The following ABCD2 variants were observed in gnomAD, a reference collection of about 807,000 sequenced individuals.
ABCD2 encodes the protein ATP-binding cassette sub-family D member 2.
In ABCD2, 36 loss-of-function variants were observed where a neutral mutation model predicts 70.9. The observed-to-expected ratio is 0.51, with a 90% CI of 0.39 to 0.67. The LOEUF (loss-of-function observed/expected upper bound fraction) is 0.67. ABCD2 is among the 30% of genes least tolerant of loss of function. The pLI is 0.00. For missense variants in ABCD2, 729 were observed against 890.2 expected, an observed-to-expected ratio of 0.82 and a Z score of 2.30; for synonymous variants, 304 against 306.9, an observed-to-expected ratio of 0.99 and a Z score of 0.10.
chr12:39,545,581 G>A (rs2120485750), downstream of ABCD2, among the ~76,000 whole-genome samples: 1 of 152,266 alleles, frequency 6.6e-6, no homozygotes, highest in East Asian at 1.9e-4. Context: ...CGATACCTAA[G>A]GCTGGTGGTG....
At chr12:39,571,304 A>G (rs1448192959) in intron 9 of ABCD2, among the ~76,000 whole-genome samples, 1 of 152,194 alleles carries the variant, frequency 6.6e-6, no homozygotes, top group African/African-American at 2.4e-5. Flanking sequence ...TACAGCCAAC[A>G]TATGGAATCA....
chr12:39,546,761 A>T (rs555761134), downstream of ABCD2, among the ~76,000 whole-genome samples: 6 of 152,238 alleles, frequency 3.9e-5, no homozygotes, highest in East Asian at 5.8e-4. Flanking sequence ...CTGAAAAAAA[A>T]TTTTAAATGT....
intron 5 of ABCD2, among the ~76,000 whole-genome samples, chr12:39,602,515 T>C (rs1941913803): frequency 6.6e-6 from 1 of 152,136 alleles, no homozygotes. Context: ...TCTAGAAACT[T>C]ATTTTTCAAT....
intron 8 of ABCD2, among the ~76,000 whole-genome samples, chr12:39,574,992 A>C (rs1941496554): frequency 6.6e-6 from 1 of 152,164 alleles, no homozygotes; most frequent in Non-Finnish European, 1.5e-5. Context: ...ACATCAACAG[A>C]AGTAGTGTCA....
rs181960558 is a variant in ABCD2, at chr12:39,582,977, A to G, written c.1792+3175T>C. ...CGGGCTCAGGTGATTCTCCCACCTC[A>G]GCCTCCCAAATAGCTGAGACTACAG... On this transcript the variant is annotated intron_variant, in intron 7 of 9. Coordinates refer to ENST00000308666, the MANE Select transcript of ABCD2 (RefSeq NM_005164.4). Among the ~76,000 whole-genome samples, 16 of 151,776 alleles carry G rather than the reference A, an allele frequency of 1.1e-4. No individual in the cohort carries two copies. The East Asian group carries it at 3.1e-3, about 29-fold the overall frequency.
chr12:39,532,720 T>A, the ABCD2 span, among the ~76,000 whole-genome samples: 2 of 152,302 alleles, frequency 1.3e-5, no homozygotes, highest in African/African-American at 2.4e-5. Flanking sequence ...CACCACCTTA[T>A]AAAGTAGTAG....
Position 39,550,379 on chromosome 12 carries a change from A to G in ABCD2, c.*3533T>C, listed in dbSNP as rs1029375232. The G allele has an allele frequency of 1.3e-5, 2 of 151,758 alleles. No individual in the cohort carries two copies. Among genetic ancestry groups the G allele is most frequent in the Non-Finnish European group, 3.0e-5 (2 of 67,716 alleles). The allele number at this position is 151,758 out of a possible 1,614,324, so 9.4% of individuals were successfully genotyped here. ...ACACATCAGATGGAAATTATATTAT[A>G]ATGTACTCACACACAGCCACAATTT... On this transcript the variant is annotated 3_prime_UTR_variant, in exon 10 of 10. Coordinates refer to ENST00000308666, the MANE Select transcript of ABCD2 (RefSeq NM_005164.4).
intron 2 of ABCD2, among the ~76,000 whole-genome samples, chr12:39,609,182 C>T (rs573206304): frequency 1.7e-4 from 26 of 152,098 alleles, no homozygotes; most frequent in African/African-American, 4.3e-4. Flanking sequence ...AGTGGATGGA[C>T]GGATGGATGG....
At chr12:39,555,720 A>C (rs761157863) in intron 9 of ABCD2, among the ~76,000 whole-genome samples, 1 of 152,194 alleles carries the variant, frequency 6.6e-6, no homozygotes, top group Non-Finnish European at 1.5e-5. Flanking sequence ...TGGTACCTGC[A>C]GACTGAGCCT....
chr12:39,602,661 C>G (rs1030154049), intron 5 of ABCD2, among the ~76,000 whole-genome samples: 1 of 151,996 alleles, frequency 6.6e-6, no homozygotes, highest in Non-Finnish European at 1.5e-5. Flanking sequence ...CAACTTCAGA[C>G]CTTCTAAGAT....
At chr12:39,563,995 T>C (rs1040222922) in intron 9 of ABCD2, among the ~76,000 whole-genome samples, 2 of 152,242 alleles carry the variant, frequency 1.3e-5, no homozygotes, top group African/African-American at 4.8e-5. Context: ...CCATGGTGTA[T>C]ATGTGCCACA....
intron 3 of ABCD2, among the ~76,000 whole-genome samples, chr12:39,605,711 A>G (rs182936794): frequency 2.8e-3 from 420 of 152,218 alleles, no homozygotes; most frequent in South Asian, 5.8e-3. Context: ...CTCATTTCCT[A>G]TCAAGAACAT....
intron 6 of ABCD2, among the ~76,000 whole-genome samples, chr12:39,587,946 T>C (rs1313743639): frequency 1.3e-4 from 20 of 152,240 alleles, no homozygotes; most frequent in Admixed American, 1.3e-3. Context: ...GCGGAAATTT[T>C]AAACTTTACT....
At chr12:39,563,252 T>A (rs986770976) in intron 9 of ABCD2, among the ~76,000 whole-genome samples, 1 of 152,084 alleles carries the variant, frequency 6.6e-6, no homozygotes, top group African/African-American at 2.4e-5. Flanking sequence ...CAACCAGGCA[T>A]GGTGGCTCAT....
Position 39,586,271 on chromosome 12 carries a change from C to G in ABCD2, c.1673G>C (p.Arg558Pro). 4 of 1,612,688 alleles carry G rather than the reference C, an allele frequency of 2.5e-6. No homozygotes were observed. Among genetic ancestry groups the G allele is most frequent in the Non-Finnish European group, 3.4e-6 (4 of 1,179,366 alleles). The part of the protein sequence containing the change: ...QRPYMSLGSL[R>P]DQVIYPDSVD... Reference sequence around the variant, plus strand: ...TGAATCAGGGTAAATGACTTGATCCCGAAGACTTCCAAGAGACATATATGG... The same window carrying G: ...TGAATCAGGGTAAATGACTTGATCCGGAAGACTTCCAAGAGACATATATGG... The change falls in exon 7 of 10, where the codon CGG (arginine) becomes CCG (proline). Residue 558 changes from arginine (R) to proline (P), a missense_variant. Around this residue, in one of 3 missense-constraint regions of ABCD2, gnomAD observed 289 missense variants for 328.8 expected, o/e 0.88. Transcript: ENST00000308666.
intron 9 of ABCD2, among the ~76,000 whole-genome samples, chr12:39,559,304 G>A (rs1941216268): frequency 1.4e-5 from 2 of 146,848 alleles, no homozygotes; most frequent in South Asian, 4.4e-4. Flanking sequence ...TTGAATCCAG[G>A]AAGCGGAGGT....
intron 9 of ABCD2, among the ~76,000 whole-genome samples, chr12:39,566,352 T>C (rs1203664257): frequency 1.3e-5 from 2 of 152,208 alleles, no homozygotes; most frequent in Admixed American, 6.5e-5. Flanking sequence ...CCTGGTTTAG[T>C]CTTGGGAGGT....
the ABCD2 span, among the ~76,000 whole-genome samples, chr12:39,534,888 GAAAGAAA>G: frequency 6.7e-3 from 23 of 3,440 alleles, no homozygotes; most frequent in Middle Eastern, 0.17. Context: ...AGGAAGGAAA[GAAAGAAA>G]GAAAGAAAGA....
At chr12:39,584,349 C>T (rs1338711662) in intron 7 of ABCD2, among the ~76,000 whole-genome samples, 1 of 152,130 alleles carries the variant, frequency 6.6e-6, no homozygotes, top group Non-Finnish European at 1.5e-5. Flanking sequence ...CCTTTTCCCA[C>T]TTTGTAATGG....
Sources: gnomAD v4.1 joint callset for allele counts (sites outside exome capture counted in the v4.1 genomes callset) on GRCh38, gnomAD v4.1.1 for gene constraint, gnomAD v4.1.1 regional missense constraint, MANE v1.5 for transcripts, NCBI Gene and HGNC (gene_info 2026-07-23, HGNC 2026-07-21) for gene names.